ZNF518A: variants seen among roughly 807,000 people sequenced by gnomAD.
ZNF518A encodes zinc finger protein 518.
ZNF518A carries 47 observed loss-of-function variants against 102.7 expected under a neutral mutation model. That is an observed-to-expected ratio of 0.46 (90% CI 0.36 to 0.58). The LOEUF (loss-of-function observed/expected upper bound fraction) is 0.58, where lower values mean the gene tolerates loss of function less well. ZNF518A is among the 20% of genes least tolerant of loss of function. The probability of loss-of-function intolerance (pLI) is 0.00; values close to 1 mark genes in which losing one functional copy is unlikely to be tolerated. For synonymous variants in ZNF518A, 652 were observed against 594.6 expected, an observed-to-expected ratio of 1.10 and a Z score of -1.40; for missense variants, 1,793 against 1,699.8, an observed-to-expected ratio of 1.05 and a Z score of -0.96.
At chr10:96,130,078 G>A (rs1411421045), upstream of ZNF518A, 1 of 152,776 alleles carries the variant, frequency 6.5e-6, no homozygotes, top group Non-Finnish European at 1.5e-5. Context: ...GAAGTGTAAT[G>A]GCCGCCATCA....
Position 96,159,276 on chromosome 10 carries a change from G to A in ZNF518A, c.2954G>A (p.Gly985Glu), listed in dbSNP as rs2082873773. 1 of 1,613,308 alleles carries A rather than the reference G, an allele frequency of 6.2e-7. No homozygotes were observed. The change falls in exon 6 of 6, where the codon GGG becomes GAG. Residue 985 changes from glycine (G) to glutamate (E), a missense_variant. By Grantham distance (98) the Gly-to-Glu change is moderately conservative (BLOSUM62 -2). This residue lies in a region of ZNF518A where 1,741 missense variants were observed against 1,622.6 expected (regional missense o/e 1.07). Coordinates refer to ENST00000316045, the MANE Select transcript of ZNF518A (RefSeq NM_001330736.2). Reference protein sequence around the residue: ...KPGMVLTLNNGKLEGVSAVKT... With the variant: ...KPGMVLTLNNEKLEGVSAVKT... ...GGGATGGTTTTAACACTTAATAATGGGAAACTTGAAGGTGTTTCCGCTGTC... is the reference window on the plus strand; with the variant it reads ...GGGATGGTTTTAACACTTAATAATGAGAAACTTGAAGGTGTTTCCGCTGTC...
rs376161295 is a variant in ZNF518A, at chr10:96,159,295, C to A, written c.2973C>A (p.Ser991=). 6.2e-7 allele frequency: 1 copy of A among 1,613,256 alleles called. No individual in the cohort carries two copies. The highest frequency in any genetic ancestry group is 8.5e-7 in the Non-Finnish European group (1 of 1,179,632). Residue 991 remains serine, a synonymous_variant, in exon 6 of 6, where the codon TCC becomes TCA. Coordinates refer to ENST00000316045, the MANE Select transcript of ZNF518A (RefSeq NM_001330736.2). Reference sequence around the variant, plus strand: ...ATAATGGGAAACTTGAAGGTGTTTCCGCTGTCAAAACCGAGGGTGCCCCAG... The same window carrying A: ...ATAATGGGAAACTTGAAGGTGTTTCAGCTGTCAAAACCGAGGGTGCCCCAG... The part of the protein sequence containing the change: ...TLNNGKLEGV[S]AVKTEGAPAR...
chr10:96,175,880 T>TCCC (rs58639916), intron 1 of ZNF518A, among the ~76,000 whole-genome samples: 9,973 of 30,608 alleles, frequency 0.33, 951 homozygotes, highest in Non-Finnish European at 0.38. Flanking sequence ...CCTCCCTCCC[T>TCCC]TCCTTCCTTC....
At chr10:96,203,943 T>G in exon 3 of ZNF518A, 6 of 799,822 alleles carry the variant, frequency 7.5e-6, no homozygotes, top group Non-Finnish European at 1.3e-5. Context: ...TGGGAGAAGA[T>G]GCCAGGATAA....
At chr10:96,203,288 AT>A (rs1276103307) in intron 1 of ZNF518A, among the ~76,000 whole-genome samples, 3 of 152,110 alleles carry the variant, frequency 2.0e-5, no homozygotes, top group South Asian at 2.1e-4. Context: ...TGTTGTCAGA[AT>A]TTTTTTTAAA....
At chr10:96,170,237 C>T (rs1205995280) in intron 1 of ZNF518A, among the ~76,000 whole-genome samples, 1 of 152,190 alleles carries the variant, frequency 6.6e-6, no homozygotes, top group Admixed American at 6.5e-5. Flanking sequence ...TAGTCTGTTG[C>T]CTGCCCCAGT....
At position 96,156,955 on chromosome 10, in the gene ZNF518A, G is replaced by A. The variant is rs782675392; in HGVS notation, c.633G>A (p.Lys211=). ...TTAATGGTAATTTTCAATGTGAAAAGTGTAAGTTCTCCACCCAGGATGTTG... is the reference window on the plus strand; with the variant it reads ...TTAATGGTAATTTTCAATGTGAAAAATGTAAGTTCTCCACCCAGGATGTTG... ...HCVNGNFQCE[K]CKFSTQDVGT... is the part of the protein sequence containing the mutation. The change falls in exon 6 of 6, where the codon AAG becomes AAA. Residue 211 remains lysine, a synonymous_variant. Coordinates refer to ENST00000316045, the MANE Select transcript of ZNF518A (RefSeq NM_001330736.2). 2 of 1,613,756 alleles carry A rather than the reference G, an allele frequency of 1.2e-6. No homozygotes were observed. The highest frequency in any genetic ancestry group is 1.3e-5 in the African/African-American group (1 of 74,930).
intron 3 of ZNF518A, among the ~76,000 whole-genome samples, chr10:96,149,809 A>T (rs1419584838): frequency 1.7e-4 from 26 of 152,086 alleles, no homozygotes; most frequent in Admixed American, 1.6e-3. Flanking sequence ...CTGCTTTTTT[A>T]ACTATATTAA....
In ZNF518A at chr10:96,160,397, G is replaced by A; in HGVS notation, c.4075G>A (p.Glu1359Lys). 1 of 1,613,328 alleles carries A rather than the reference G, an allele frequency of 6.2e-7. No homozygotes were observed. Among genetic ancestry groups the A allele is most frequent in the Non-Finnish European group, 8.5e-7 (1 of 1,179,558 alleles). ...GAATCATCCTGACGCAGATGCACCA[G>A]AAGTAGTAAGTGTAATGAAAACTAT... ...VLNHPDADAP[E>K]VVSVMKTIAK... Residue 1359 changes from glutamate to lysine, a missense_variant, in exon 6 of 6, where the codon GAA becomes AAA. Glu to Lys is a moderately conservative substitution (Grantham distance 56). Transcript: ENST00000316045.
At position 96,200,326 on chromosome 10, in the gene ZNF518A, C is replaced by T. The variant is rs2083597081; in HGVS notation, n.36-3248C>T. Among the ~76,000 whole-genome samples, 1 of 152,030 alleles carries T rather than the reference C, an allele frequency of 6.6e-6. No individual in the cohort carries two copies. The highest frequency in any genetic ancestry group is 2.4e-5 in the African/African-American group (1 of 41,402). ...CTTTGATCAAACACAAGGATTATACCGTTAACTTGTTTTTTGTATTTTTTT... is the reference window on the plus strand; with the variant it reads ...CTTTGATCAAACACAAGGATTATACTGTTAACTTGTTTTTTGTATTTTTTT... On this transcript the variant is annotated intron_variant and non_coding_transcript_variant, in intron 1 of 2. Transcript: ENST00000442635. This position sits in a 1 kb window ranked among gnomAD's most constrained non-coding sequence, Gnocchi z 4.3.
Position 96,200,090 on chromosome 10 carries a change from C to T in ZNF518A, n.36-3484C>T. 6.2e-7 allele frequency: 1 copy of T among 1,613,508 alleles called. No individual in the cohort carries two copies. The highest frequency in any genetic ancestry group is 8.5e-7 in the Non-Finnish European group (1 of 1,179,582). The stretch of plus-strand genomic sequence containing the variant: ...ATGATCAGACCTTGTTTGATCTGTG[C>T]AATGCCTCTTCAGCAGACTTTCGAT... On this transcript the variant is annotated intron_variant and non_coding_transcript_variant, in intron 1 of 2. Coordinates refer to the ZNF518A transcript ENST00000442635. The surrounding 1 kb of genome is among the most constrained non-coding windows in gnomAD (Gnocchi z 4.3).
chr10:96,144,737 C>T (rs1554877796), intron 3 of ZNF518A, among the ~76,000 whole-genome samples: 1 of 151,732 alleles, frequency 6.6e-6, no homozygotes, highest in Non-Finnish European at 1.5e-5. Context: ...TATTTCAGAG[C>T]AGATGAAATA....
In ZNF518A at chr10:96,158,333, A is replaced by G; in HGVS notation, c.2011A>G (p.Lys671Glu). ...ENPQRESSSS[K>E]TVVQQPISES... ...CCCTCAAAGAGAATCTTCATCCAGCAAAACAGTTGTCCAACAACCAATTAG... is the reference window on the plus strand; with the variant it reads ...CCCTCAAAGAGAATCTTCATCCAGCGAAACAGTTGTCCAACAACCAATTAG... Residue 671 changes from lysine to glutamate, a missense_variant, in exon 6 of 6, where the codon AAA (lysine) becomes GAA (glutamate). Transcript: ENST00000316045. 1 of 1,613,796 alleles carries G rather than the reference A, an allele frequency of 6.2e-7. No individual in the cohort carries two copies. Among genetic ancestry groups the G allele is most frequent in the Admixed American group, 1.7e-5 (1 of 60,022 alleles).
rs587725513 is a variant in ZNF518A, at chr10:96,162,549, C to T, written c.*1775C>T. ...ACTTGTACTGTTTTGTGCAGTTTGT[C>T]TACTTTCTTAGTGAAGTATTTTTTG... On this transcript the variant is annotated 3_prime_UTR_variant, in exon 6 of 6. Transcript: ENST00000316045. 45 of 166,908 alleles carry T rather than the reference C, an allele frequency of 2.7e-4. No individual in the cohort carries two copies. Among genetic ancestry groups the T allele is most frequent in the African/African-American group, 9.9e-4 (41 of 41,544 alleles). 10.3% of individuals were successfully genotyped at this position (166,908 alleles called of 1,614,324 possible).
At chr10:96,180,357 T>A (rs1240840876) in intron 1 of ZNF518A, among the ~76,000 whole-genome samples, 4 of 151,742 alleles carry the variant, frequency 2.6e-5, no homozygotes, top group East Asian at 1.9e-4. Flanking sequence ...CTTTTTTTTT[T>A]ATATATACTT....
At chr10:96,168,881 A>G (rs1313214865) in intron 1 of ZNF518A, among the ~76,000 whole-genome samples, 1 of 152,222 alleles carries the variant, frequency 6.6e-6, no homozygotes, top group Non-Finnish European at 1.5e-5. Context: ...GGAGCTTTGT[A>G]GAATGGTAGA....
At chr10:96,189,734 C>CATA (rs35341737) in intron 1 of ZNF518A, 3 of 728,960 alleles carry the variant, frequency 4.1e-6, no homozygotes, top group Non-Finnish European at 7.5e-6. Context: ...TCATCATCAT[C>CATA]TTCATCAGCA....
downstream of ZNF518A, chr10:96,204,285 G>A: frequency 1.4e-6 from 1 of 739,278 alleles, no homozygotes; most frequent in South Asian, 1.8e-5. Flanking sequence ...TTTTGAAAAA[G>A]GAGGAAATCT....
chr10:96,171,385 A>T (rs1303660753), intron 1 of ZNF518A, among the ~76,000 whole-genome samples: 1 of 152,232 alleles, frequency 6.6e-6, no homozygotes, highest in Non-Finnish European at 1.5e-5. Context: ...TTTATGCTAC[A>T]ACTTGGATGA....
Sources: gnomAD v4.1 joint callset for allele counts (sites outside exome capture counted in the v4.1 genomes callset) on GRCh38, gnomAD v4.1.1 for gene constraint, gnomAD v4.1.1 regional missense constraint, Gnocchi (gnomAD v3.1) non-coding constraint, MANE v1.5 for transcripts, NCBI Gene and HGNC (gene_info 2026-07-23, HGNC 2026-07-21) for gene names.